The following VPS36 variants were observed in gnomAD, a reference collection of about 807,000 sequenced individuals.
The protein encoded by VPS36 is vacuolar protein sorting 36 homolog.
Under a neutral mutation model 63.5 loss-of-function variants are expected in VPS36, and 31 were observed. The observed-to-expected ratio is 0.49, with a 90% CI of 0.37 to 0.66. The LOEUF (loss-of-function observed/expected upper bound fraction) is 0.66, where lower values mean the gene tolerates loss of function less well. VPS36 is among the 30% of genes least tolerant of loss of function. The pLI is 0.00. For synonymous variants in VPS36, 138 were observed against 157.2 expected (o/e 0.88, Z 0.91); for missense variants, 338 against 463.7 (o/e 0.73, Z 2.49).
chr13:52,438,121 A>C (rs1958237565), intron 3 of VPS36, among the ~76,000 whole-genome samples: 1 of 152,084 alleles, frequency 6.6e-6, no homozygotes, highest in Non-Finnish European at 1.5e-5. Flanking sequence ...TAAGACACTA[A>C]CGTGAAGGTA....
At chr13:52,426,690 C>T (rs1161180752) in intron 8 of VPS36, among the ~76,000 whole-genome samples, 1 of 152,040 alleles carries the variant, frequency 6.6e-6, no homozygotes, top group Non-Finnish European at 1.5e-5. Context: ...CCGGTCTCTA[C>T]TAAAAATACA....
intron 6 of VPS36, 149 bp downstream of exon 6, chr13:52,433,513 A>G (rs1958181499): frequency 3.3e-6 from 2 of 598,736 alleles, no homozygotes; most frequent in South Asian, 6.7e-5. Context: ...TGCCAGCCCG[A>G]GGTAGACCTG....
chr13:52,415,707 T>G lies in VPS36; in HGVS notation c.*123A>C. The G allele has an allele frequency of 1.1e-6, 1 of 917,838 alleles. No homozygotes were observed. Among genetic ancestry groups the G allele is most frequent in the Non-Finnish European group, 1.7e-6 (1 of 589,060 alleles). 56.9% of individuals were successfully genotyped at this position (917,838 alleles called of 1,614,324 possible). A position where few individuals can be genotyped will look rare whatever the true frequency, so the allele number is the denominator to read the frequency against. On this transcript the variant is annotated 3_prime_UTR_variant, in exon 14 of 14. Coordinates refer to ENST00000378060, the MANE Select transcript of VPS36 (RefSeq NM_016075.4). Reference sequence around the variant, plus strand: ...TATTTAGTGAGAAATTAAAAGAGATTTACATTGCACTGTGAAGTTCCAATA... The same window carrying G: ...TATTTAGTGAGAAATTAAAAGAGATGTACATTGCACTGTGAAGTTCCAATA...
rs151302050 is a variant in VPS36, at chr13:52,434,381, C to T, written c.441+412G>A. On this transcript the variant is annotated intron_variant, in intron 5 of 13. Coordinates refer to ENST00000378060, the MANE Select transcript of VPS36 (RefSeq NM_016075.4). The stretch of plus-strand genomic sequence containing the variant: ...TAATTTTTTTTTTCTTTTTTTGAGA[C>T]GGAGTCTTGCTCTGTCGCCCAGGCT... 9.0e-4 allele frequency among the ~76,000 whole-genome samples: 136 copies of T among 151,856 alleles called. 2 individuals are homozygous for T. The East Asian group carries it at 0.025, about 28-fold the overall frequency.
At chr13:52,422,743 T>C (rs1958059084) in intron 10 of VPS36, among the ~76,000 whole-genome samples, 1 of 152,256 alleles carries the variant, frequency 6.6e-6, no homozygotes, top group African/African-American at 2.4e-5. Context: ...CTCTTTTTTA[T>C]GGCTGCATAT....
chr13:52,423,993 C>G (rs921533425), intron 9 of VPS36, among the ~76,000 whole-genome samples: 1 of 151,860 alleles, frequency 6.6e-6, no homozygotes, highest in African/African-American at 2.4e-5. Flanking sequence ...GAGTAGCTGG[C>G]ACTACAGGCA....
intron 6 of VPS36, chr13:52,429,378 T>G: frequency 1.2e-6 from 1 of 841,736 alleles, no homozygotes; most frequent in Non-Finnish European, 1.4e-6. Context: ...CTAGAGCCTA[T>G]TCATCTTTCA....
chr13:52,422,785 C>T (rs760711136), intron 10 of VPS36, among the ~76,000 whole-genome samples: 4 of 152,108 alleles, frequency 2.6e-5, no homozygotes, highest in Non-Finnish European at 4.4e-5. Context: ...AATGTTATTA[C>T]CAGAAAGAAA....
Position 52,434,796 on chromosome 13 carries a change from G to A in VPS36, c.438C>T (p.Pro146=). The A allele has an allele frequency of 6.2e-7, 1 of 1,612,036 alleles. No homozygotes were observed. The highest frequency in any genetic ancestry group is 8.5e-7 in the Non-Finnish European group (1 of 1,179,034). ...TAGCAAATAGTTTTAAAAATACCTGGGGTCCTCTATTTGTTTGTAATGACT... is the reference window on the plus strand; with the variant it reads ...TAGCAAATAGTTTTAAAAATACCTGAGGTCCTCTATTTGTTTGTAATGACT... ...VSQSLQTNRG[P]QPGRIRAVGI... Residue 146 remains proline (P), a synonymous_variant, in exon 5 of 14, where the codon CCC becomes CCT. Transcript: ENST00000378060.
chr13:52,450,621 C>G lies in VPS36; in HGVS notation c.-27G>C. On this transcript the variant is annotated 5_prime_UTR_variant, in exon 1 of 14. Transcript: ENST00000378060. ...GCCGCTGCCACCCAGCCCCGGCCCTCCGAGGCCGCGAGCAGCGCGCCAGGC... is the reference window on the plus strand; with the variant it reads ...GCCGCTGCCACCCAGCCCCGGCCCTGCGAGGCCGCGAGCAGCGCGCCAGGC... The G allele has an allele frequency of 6.5e-7, 1 of 1,547,742 alleles. No homozygotes were observed.
intron 1 of VPS36, among the ~76,000 whole-genome samples, chr13:52,444,561 T>G (rs1384880999): frequency 6.8e-6 from 1 of 147,738 alleles, no homozygotes; most frequent in African/African-American, 2.5e-5. Context: ...TATGTATATA[T>G]ACACATATAT....
intron 10 of VPS36, among the ~76,000 whole-genome samples, chr13:52,421,209 C>G (rs1401047041): frequency 6.6e-6 from 1 of 152,144 alleles, no homozygotes; most frequent in African/African-American, 2.4e-5. Context: ...AAAATCCTTT[C>G]ATTTGCAGCA....
At chr13:52,435,602 A>G (rs868377028) in intron 4 of VPS36, among the ~76,000 whole-genome samples, 1 of 152,236 alleles carries the variant, frequency 6.6e-6, no homozygotes, top group Non-Finnish European at 1.5e-5. Context: ...GTTAAAATAT[A>G]AAACCAAAAA....
rs774117351 is a variant in VPS36, at chr13:52,427,207, G to A, written c.541C>T (p.Leu181Phe). Residue 181 changes from leucine (L) to phenylalanine (F), a missense_variant, in exon 7 of 14, where the codon CTC becomes TTC. By Grantham distance (22) the Leu-to-Phe change is conservative. Transcript: ENST00000378060. ...DKNISEAFED[L>F]SKLMIKAKEM... ...TATACCTTGATCATTAGTTTGCTGA[G>A]GTCTTCAAAGGCCTGAAATGAGAAA... 19 of 1,613,248 alleles carry A rather than the reference G, an allele frequency of 1.2e-5. No individual in the cohort carries two copies. Among genetic ancestry groups the A allele is most frequent in the Non-Finnish European group, 1.5e-5 (18 of 1,179,540 alleles).
chr13:52,435,750 T>C (rs562114041), intron 4 of VPS36, among the ~76,000 whole-genome samples: 1 of 152,278 alleles, frequency 6.6e-6, no homozygotes, highest in Admixed American at 6.5e-5. Context: ...TAGAAAAAAA[T>C]TAATAATAAT....
chr13:52,442,042 C>T (rs1353132211), intron 2 of VPS36, among the ~76,000 whole-genome samples: 1 of 152,176 alleles, frequency 6.6e-6, no homozygotes, highest in Admixed American at 6.5e-5. Flanking sequence ...TTTTCTGGAG[C>T]TGAATAAGGG....
chr13:52,418,555 T>C (rs1490275292), intron 10 of VPS36, among the ~76,000 whole-genome samples: 9 of 115,474 alleles, frequency 7.8e-5, no homozygotes. Flanking sequence ...GCCTGGGCGA[T>C]AGTGCGAGAC....
At position 52,436,417 on chromosome 13, in the gene VPS36, C is replaced by A; in HGVS notation, c.237-13G>T. ...CACTATTTTGGCACTGAAGAAAGAA[C>A]AAATGTAATATATTGAATTGTCTTT... On this transcript the variant is annotated splice_polypyrimidine_tract_variant and intron_variant, in intron 3 of 13. Coordinates refer to ENST00000378060, the MANE Select transcript of VPS36 (RefSeq NM_016075.4). 6.5e-7 allele frequency: 1 copy of A among 1,541,144 alleles called. No individual in the cohort carries two copies. Among genetic ancestry groups the A allele is most frequent in the Non-Finnish European group, 8.9e-7 (1 of 1,119,302 alleles).
chr13:52,418,806 C>T (rs1198936043), intron 10 of VPS36, among the ~76,000 whole-genome samples: 1 of 152,174 alleles, frequency 6.6e-6, no homozygotes, highest in African/African-American at 2.4e-5. Context: ...AGTCCCCAGT[C>T]AGCACATGAT....
Sources: allele counts gnomAD v4.1 joint callset (sites outside exome capture counted in the v4.1 genomes callset), GRCh38; gene constraint gnomAD v4.1.1; transcripts MANE v1.5; gene names NCBI Gene and HGNC (gene_info 2026-07-23, HGNC 2026-07-21).